The following RCOR1 variants were observed in gnomAD, a reference collection of about 807,000 sequenced individuals.
RCOR1 encodes REST corepressor.
RCOR1 carries 12 observed loss-of-function variants against 64.0 expected under a neutral mutation model. That is an observed-to-expected ratio of 0.19 (90% CI 0.12 to 0.30). The LOEUF (loss-of-function observed/expected upper bound fraction) is 0.30. Ranked by LOEUF, RCOR1 falls within the 10% of genes least tolerant of loss-of-function variation. The pLI is 1.00. For missense variants in RCOR1, 502 were observed against 621.2 expected (o/e 0.81, Z 2.04); for synonymous variants, 279 against 227.2 (o/e 1.23, Z -2.05).
At chr14:102,687,150 C>T (rs1327538479) in intron 3 of RCOR1, among the ~76,000 whole-genome samples, 2 of 152,076 alleles carry the variant, frequency 1.3e-5, no homozygotes, top group Non-Finnish European at 2.9e-5. Flanking sequence ...GGGAATGTAC[C>T]AGGAGTGAAA....
At chr14:102,613,682 AG>A (rs1335596995) in intron 2 of RCOR1, among the ~76,000 whole-genome samples, 1 of 149,224 alleles carries the variant, frequency 6.7e-6, no homozygotes, top group Non-Finnish European at 1.5e-5. Flanking sequence ...GGCCTCCCAA[AG>A]TGCTGGGATT....
intron 2 of RCOR1, among the ~76,000 whole-genome samples, chr14:102,622,031 C>T (rs1893885557): frequency 6.6e-6 from 1 of 152,138 alleles, no homozygotes; most frequent in African/African-American, 2.4e-5. Context: ...ATTGTCCTAC[C>T]CCTAACTGCC....
intron 2 of RCOR1, among the ~76,000 whole-genome samples, chr14:102,603,571 T>C (rs142691444): frequency 6.6e-6 from 1 of 152,210 alleles, no homozygotes; most frequent in East Asian, 1.9e-4. Flanking sequence ...AAATTTTTTT[T>C]TCTTTTTTTT....
At chr14:102,603,701 A>G (rs1030018799) in intron 2 of RCOR1, among the ~76,000 whole-genome samples, 7 of 151,852 alleles carry the variant, frequency 4.6e-5, no homozygotes, top group African/African-American at 1.7e-4. Context: ...GCTCACTGCA[A>G]CCTTCATCTC....
chr14:102,699,794 A>C (rs1428727108), intron 3 of RCOR1, among the ~76,000 whole-genome samples: 2 of 149,082 alleles, frequency 1.3e-5, no homozygotes, highest in East Asian at 3.9e-4. Context: ...TTATTTTTTT[A>C]ATTCATAAAG....
At chr14:102,650,150 A>T (rs1248665394) in intron 2 of RCOR1, among the ~76,000 whole-genome samples, 1 of 150,068 alleles carries the variant, frequency 6.7e-6, no homozygotes, top group Non-Finnish European at 1.5e-5. Flanking sequence ...GGGAGCCGAG[A>T]TCGCACCACT....
intron 2 of RCOR1, among the ~76,000 whole-genome samples, chr14:102,602,549 A>C (rs115299321): frequency 0.023 from 3,558 of 151,974 alleles, 132 homozygotes; most frequent in African/African-American, 0.076. Context: ...GATTACAGGC[A>C]TGTGCTACCA....
Position 102,714,578 on chromosome 14 carries a change from G to C in RCOR1, c.1014G>C (p.Leu338=). 1 of 1,612,038 alleles carries C rather than the reference G, an allele frequency of 6.2e-7. No homozygotes were observed. The highest frequency in any genetic ancestry group is 8.5e-7 in the Non-Finnish European group (1 of 1,178,636). The part of the protein sequence containing the change: ...SANATAATTV[L]RQLDMELVSV... ...ATGCCACTGCTGCTACCACGGTGCT[G>C]AGACAACTAGACATGGAATTGGTTT... Residue 338 remains leucine, a synonymous_variant, in exon 8 of 12, where the codon CTG becomes CTC. Transcript: ENST00000262241.
At chr14:102,630,832 T>C (rs560672956) in intron 2 of RCOR1, among the ~76,000 whole-genome samples, 2 of 152,216 alleles carry the variant, frequency 1.3e-5, no homozygotes, top group East Asian at 3.9e-4. Flanking sequence ...AAACAACTGC[T>C]GGTATTTGAG....
intron 4 of RCOR1, among the ~76,000 whole-genome samples, chr14:102,703,057 T>C (rs985623071): frequency 8.5e-5 from 13 of 152,080 alleles, no homozygotes; most frequent in African/African-American, 1.2e-4. Flanking sequence ...AAAATGAAAT[T>C]CTAGACCCTA....
chr14:102,650,023 C>G (rs1465529013), intron 2 of RCOR1, among the ~76,000 whole-genome samples: 1 of 151,684 alleles, frequency 6.6e-6, no homozygotes, highest in African/African-American at 2.4e-5. Context: ...ATGGTGAAAC[C>G]CCGTCTCTAC....
At position 102,714,428 on chromosome 14, in the gene RCOR1, C is replaced by T. The variant is rs753884913; in HGVS notation, c.864C>T (p.Pro288=). The change falls in exon 8 of 12, where the codon CCC becomes CCT. Residue 288 remains proline, a synonymous_variant. Coordinates refer to ENST00000262241, the MANE Select transcript of RCOR1 (RefSeq NM_015156.4). ...CACCTGTGTATATCATGCAGGTTCC[C>T]CCTACTGAGACAGTTCCTCAGGTCA... is the stretch of plus-strand genomic sequence containing the variant. ...DQNKESKKEV[P]PTETVPQVKK... is the part of the protein sequence containing the mutation. The T allele has an allele frequency of 5.4e-5, 86 of 1,601,568 alleles. No homozygotes were observed. The Middle Eastern group carries it at 4.2e-3, about 78-fold the overall frequency.
chr14:102,678,092 A>G (rs1220632754), intron 2 of RCOR1, among the ~76,000 whole-genome samples: 1 of 151,294 alleles, frequency 6.6e-6, no homozygotes, highest in Non-Finnish European at 1.5e-5. Context: ...AATCGCAGGC[A>G]CTCGGCAGGC....
intron 11 of RCOR1, among the ~76,000 whole-genome samples, chr14:102,723,165 A>G (rs192822568): frequency 3.4e-4 from 52 of 152,374 alleles, no homozygotes; most frequent in African/African-American, 1.2e-3. Flanking sequence ...GTTCACAGGC[A>G]TGGTAATTTA....
At chr14:102,626,569 A>T (rs541496598) in intron 2 of RCOR1, among the ~76,000 whole-genome samples, 1 of 152,278 alleles carries the variant, frequency 6.6e-6, no homozygotes, top group South Asian at 2.1e-4. Flanking sequence ...TACTGGTCAG[A>T]GTTGCCTGAA....
chr14:102,664,883 A>C (rs1376501568), intron 2 of RCOR1, among the ~76,000 whole-genome samples: 1 of 152,242 alleles, frequency 6.6e-6, no homozygotes, highest in Non-Finnish European at 1.5e-5. Flanking sequence ...CATTCGACTT[A>C]GTATTTTTCA....
chr14:102,723,934 T>A (rs1407667696), intron 11 of RCOR1, among the ~76,000 whole-genome samples: 2 of 152,046 alleles, frequency 1.3e-5, no homozygotes, highest in African/African-American at 4.8e-5. Flanking sequence ...GGACCAAGAG[T>A]CCCTACCAAC....
At chr14:102,606,336 A>G (rs149460194) in intron 2 of RCOR1, among the ~76,000 whole-genome samples, 13,664 of 152,182 alleles carry the variant, frequency 0.09, 672 homozygotes, top group Middle Eastern at 0.17. Context: ...TGCTGGGATT[A>G]CAGGTGTGAG....
chr14:102,696,971 ACT>A (rs746223124), intron 3 of RCOR1, among the ~76,000 whole-genome samples: 5 of 151,746 alleles, frequency 3.3e-5, no homozygotes, highest in African/African-American at 4.8e-5. Context: ...TACTGGTATA[ACT>A]CTGTAAAGGA....
Sources: gnomAD v4.1 joint callset for allele counts (sites outside exome capture counted in the v4.1 genomes callset) on GRCh38, gnomAD v4.1.1 for gene constraint, MANE v1.5 for transcripts, NCBI Gene and HGNC (gene_info 2026-07-23, HGNC 2026-07-21) for gene names.